The following SLC35F3 variants were observed in gnomAD, a reference collection of about 807,000 sequenced individuals.
SLC35F3 encodes solute carrier family 35 member F3.
In SLC35F3, 25 loss-of-function variants were observed where a neutral mutation model predicts 49.9. The observed-to-expected ratio is 0.50, with a 90% confidence interval of 0.37 to 0.70. The LOEUF is 0.70. SLC35F3 is among the 30% of genes least tolerant of loss of function. The pLI, the probability that SLC35F3 is intolerant of heterozygous loss-of-function variation, is 0.00. For synonymous variants in SLC35F3, 275 were observed against 265.4 expected, an observed-to-expected ratio of 1.04 and a Z score of -0.35; for missense variants, 525 against 639.8, an observed-to-expected ratio of 0.82 and a Z score of 1.94.
chr1:234,235,425 G>A (rs1667449399), intron 3 of SLC35F3, among the ~76,000 whole-genome samples: 2 of 152,234 alleles, frequency 1.3e-5, no homozygotes, highest in Admixed American at 1.3e-4. Context: ...GGGAGGCACA[G>A]GGAAGTGGCT....
chr1:233,952,496 G>C (rs1223738737), intron 2 of SLC35F3, among the ~76,000 whole-genome samples: 1 of 152,114 alleles, frequency 6.6e-6, no homozygotes, highest in Admixed American at 6.5e-5. Flanking sequence ...ATAAACTGTG[G>C]TTTTTCATAG....
At chr1:233,926,524 G>T (rs1662163046) in intron 2 of SLC35F3, among the ~76,000 whole-genome samples, 1 of 151,992 alleles carries the variant, frequency 6.6e-6, no homozygotes, top group South Asian at 2.1e-4. Flanking sequence ...ATTCTAGTTA[G>T]CCATTCATCT....
chr1:234,039,289 G>A (rs745565027), intron 2 of SLC35F3, among the ~76,000 whole-genome samples: 2 of 152,180 alleles, frequency 1.3e-5, no homozygotes, highest in Non-Finnish European at 2.9e-5. Context: ...TATCCTCGAA[G>A]TCAAGGAATG....
intron 2 of SLC35F3, among the ~76,000 whole-genome samples, chr1:233,917,156 T>A (rs1293464327): frequency 6.6e-6 from 1 of 152,212 alleles, no homozygotes; most frequent in Non-Finnish European, 1.5e-5. Context: ...TGCCATACTT[T>A]CTTTGTCTTG....
At chr1:233,940,741 A>T (rs1432926939) in intron 2 of SLC35F3, among the ~76,000 whole-genome samples, 1 of 152,174 alleles carries the variant, frequency 6.6e-6, no homozygotes, top group Admixed American at 6.5e-5. Context: ...GATTGTTTCC[A>T]GTTTTTCACT....
At chr1:233,985,823 G>A (rs1369352572) in intron 2 of SLC35F3, among the ~76,000 whole-genome samples, 1 of 152,188 alleles carries the variant, frequency 6.6e-6, no homozygotes, top group African/African-American at 2.4e-5. Flanking sequence ...GCAGACTTTG[G>A]GAAAGTTCCT....
intron 2 of SLC35F3, among the ~76,000 whole-genome samples, chr1:233,984,233 A>C (rs6668145): frequency 0.09 from 13,704 of 152,266 alleles, 894 homozygotes; most frequent in African/African-American, 0.18. Flanking sequence ...CTGCCTCTGT[A>C]AGATTTGGGC....
At chr1:234,052,782 T>TA (rs1460639750) in intron 2 of SLC35F3, among the ~76,000 whole-genome samples, 1 of 152,250 alleles carries the variant, frequency 6.6e-6, no homozygotes, top group African/African-American at 2.4e-5. Context: ...TTTAGTGCTA[T>TA]AAATTTCCCT....
chr1:234,304,050 T>C (rs375488106), intron 3 of SLC35F3, among the ~76,000 whole-genome samples: 30 of 93,408 alleles, frequency 3.2e-4, no homozygotes, highest in South Asian at 1.1e-3. Flanking sequence ...TCCTTCTTTC[T>C]TTCCTTCCTT....
intron 2 of SLC35F3, among the ~76,000 whole-genome samples, chr1:234,070,861 G>A (rs764546241): frequency 1.1e-4 from 17 of 151,936 alleles, no homozygotes; most frequent in Non-Finnish European, 2.4e-4. Flanking sequence ...AATAATTAAT[G>A]CTCCTCTCAA....
At chr1:234,194,134 AT>A (rs199552213) in intron 2 of SLC35F3, among the ~76,000 whole-genome samples, 2 of 111,548 alleles carry the variant, frequency 1.8e-5, no homozygotes, top group African/African-American at 5.0e-5. Context: ...AGAAGTCATT[AT>A]TAAAAAAAGA....
chr1:234,268,688 A>G (rs1431580710), intron 3 of SLC35F3: 1 of 152,238 alleles, frequency 6.6e-6, no homozygotes, highest in Non-Finnish European at 1.5e-5. Flanking sequence ...TACCATGTCT[A>G]CCCAAGACTG....
chr1:234,229,750 G>T (rs1043611369), intron 2 of SLC35F3, among the ~76,000 whole-genome samples: 1 of 152,244 alleles, frequency 6.6e-6, no homozygotes, highest in African/African-American at 2.4e-5. Flanking sequence ...AAATTATCCC[G>T]ATAATGAACA....
chr1:233,916,243 T>C (rs374810762), intron 2 of SLC35F3, among the ~76,000 whole-genome samples: 1 of 152,262 alleles, frequency 6.6e-6, no homozygotes, highest in Non-Finnish European at 1.5e-5. Context: ...AACTATTAAA[T>C]GTAAAAATAT....
At chr1:233,951,486 G>A (rs901745860) in intron 2 of SLC35F3, among the ~76,000 whole-genome samples, 1 of 151,574 alleles carries the variant, frequency 6.6e-6, no homozygotes, top group Admixed American at 6.6e-5. Context: ...ATTTTTTTCT[G>A]TACCTTTTCT....
chr1:234,319,666 G>A (rs775978718), intron 6 of SLC35F3, among the ~76,000 whole-genome samples: 1 of 152,074 alleles, frequency 6.6e-6, no homozygotes, highest in South Asian at 2.1e-4. Flanking sequence ...GCACCACTGT[G>A]CACCACACTC....
At chr1:234,132,439 T>C (rs1310112520) in intron 2 of SLC35F3, among the ~76,000 whole-genome samples, 1 of 152,236 alleles carries the variant, frequency 6.6e-6, no homozygotes, top group Non-Finnish European at 1.5e-5. Context: ...TTTCACATTT[T>C]TGGCATGTGC....
chr1:234,271,757 A>G (rs1483759615), intron 3 of SLC35F3, among the ~76,000 whole-genome samples: 1 of 152,202 alleles, frequency 6.6e-6, no homozygotes, highest in Non-Finnish European at 1.5e-5. Context: ...TGGTACCATG[A>G]TCCCAGTGAA....
intron 2 of SLC35F3, among the ~76,000 whole-genome samples, chr1:233,949,489 G>A (rs1362841302): frequency 6.6e-6 from 1 of 152,180 alleles, no homozygotes; most frequent in Non-Finnish European, 1.5e-5. Context: ...TTATAGAAGA[G>A]GGAAAATGCA....
Sources: gnomAD v4.1 joint callset for allele counts (sites outside exome capture counted in the v4.1 genomes callset) on GRCh38, gnomAD v4.1.1 for gene constraint, MANE v1.5 for transcripts, NCBI Gene and HGNC (gene_info 2026-07-23, HGNC 2026-07-21) for gene names.